The following SPAG16 variants were observed in gnomAD, a reference collection of about 807,000 sequenced individuals.
SPAG16 encodes the protein sperm-associated antigen 16 protein.
A neutral mutation model predicts 80.4 loss-of-function variants in SPAG16; 86 were observed. The ratio of observed to expected loss-of-function variants is 1.07; its 90% CI spans 0.90 to 1.28. The LOEUF (loss-of-function observed/expected upper bound fraction) is 1.28. Ranked by LOEUF, SPAG16 falls within the 50% of genes most tolerant of loss-of-function variation. The pLI is 0.00. For missense variants in SPAG16, 870 were observed against 765.3 expected (o/e 1.14, Z -1.61); for synonymous variants, 294 against 265.9 (o/e 1.11, Z -1.03).
intron 15 of SPAG16, among the ~76,000 whole-genome samples, chr2:214,248,823 A>T (rs1045041600): frequency 5.9e-5 from 9 of 152,226 alleles, no homozygotes; most frequent in South Asian, 2.1e-4. Flanking sequence ...ATTTGAGACA[A>T]GATGGTCTAG....
chr2:213,711,762 T>A (rs2065999029), intron 10 of SPAG16, among the ~76,000 whole-genome samples: 1 of 152,132 alleles, frequency 6.6e-6, no homozygotes, highest in Non-Finnish European at 1.5e-5. Context: ...TCAGGTGATC[T>A]GCCTGCCTTG....
chr2:214,269,015 G>A (rs778051887), intron 15 of SPAG16, among the ~76,000 whole-genome samples: 8 of 151,964 alleles, frequency 5.3e-5, no homozygotes, highest in Non-Finnish European at 1.0e-4. Flanking sequence ...AATTATGTTA[G>A]AAACACAATA....
Position 213,545,008 on chromosome 2 carries a change from G to A in SPAG16, c.1070+54918G>A, listed in dbSNP as rs111604731. Among the ~76,000 whole-genome samples, 391 of 152,108 alleles carry A rather than the reference G, an allele frequency of 2.6e-3. 2 individuals carry two copies. The highest frequency in any genetic ancestry group is 4.5e-3 in the Non-Finnish European group (305 of 67,934). On this transcript the variant is annotated intron_variant, in intron 10 of 15. Coordinates refer to ENST00000331683, the MANE Select transcript of SPAG16 (RefSeq NM_024532.5). The stretch of plus-strand genomic sequence containing the variant: ...CGTGTGCAGGTTTTCAGCTCCTTTG[G>A]ATAAATACTAAGGAGAGAGATTGCT...
At chr2:213,341,698 A>C (rs1344992159) in intron 6 of SPAG16, among the ~76,000 whole-genome samples, 1 of 151,860 alleles carries the variant, frequency 6.6e-6, no homozygotes, top group Non-Finnish European at 1.5e-5. Context: ...TACCCAGCTA[A>C]ATTTTTTTGT....
chr2:213,364,025 T>C, intron 7 of SPAG16, 51 bp from the exon 8 acceptor site: 1 of 885,206 alleles, frequency 1.1e-6, no homozygotes, highest in South Asian at 2.5e-5. Context: ...ATGTAACCTT[T>C]TTAAAAGTCA....
chr2:213,306,137 T>A (rs1202334896), intron 3 of SPAG16, among the ~76,000 whole-genome samples: 1 of 151,944 alleles, frequency 6.6e-6, no homozygotes, highest in Non-Finnish European at 1.5e-5. Flanking sequence ...AGTTGCTCAT[T>A]GTAGCCTCCA....
At chr2:213,493,930 C>T (rs948218772) in intron 10 of SPAG16, among the ~76,000 whole-genome samples, 1 of 152,214 alleles carries the variant, frequency 6.6e-6, no homozygotes, top group African/African-American at 2.4e-5. Flanking sequence ...CCATTCTCCT[C>T]TGCCATCGGG....
intron 15 of SPAG16, among the ~76,000 whole-genome samples, chr2:214,164,380 T>C (rs928039676): frequency 1.3e-5 from 2 of 152,128 alleles, no homozygotes; most frequent in African/African-American, 4.8e-5. Flanking sequence ...TATGAAGTGA[T>C]ACACATGAGC....
At chr2:214,194,205 A>G (rs1423531295) in intron 15 of SPAG16, among the ~76,000 whole-genome samples, 2 of 152,098 alleles carry the variant, frequency 1.3e-5, no homozygotes, top group Admixed American at 1.3e-4. Flanking sequence ...AAATGGCAAT[A>G]CATGAAAATT....
chr2:213,499,893 G>A (rs17752241), intron 10 of SPAG16, among the ~76,000 whole-genome samples: 2,211 of 152,070 alleles, frequency 0.015, 23 homozygotes, highest in South Asian at 0.037. Context: ...GGACTTTCTT[G>A]TCCCTGTTTC....
intron 15 of SPAG16, among the ~76,000 whole-genome samples, chr2:214,283,082 T>C (rs1423839216): frequency 6.6e-6 from 1 of 152,068 alleles, no homozygotes; most frequent in Non-Finnish European, 1.5e-5. Flanking sequence ...AGATGCAGCC[T>C]AGCAAACACA....
chr2:213,922,083 G>A (rs569384825), intron 11 of SPAG16, among the ~76,000 whole-genome samples: 1 of 152,298 alleles, frequency 6.6e-6, no homozygotes, highest in Admixed American at 6.5e-5. Flanking sequence ...AGCAATGTTA[G>A]AAAGTTTTCA....
At chr2:214,260,357 A>T (rs1243028908) in intron 15 of SPAG16, among the ~76,000 whole-genome samples, 5 of 146,982 alleles carry the variant, frequency 3.4e-5, no homozygotes, top group Admixed American at 1.4e-4. Context: ...AGAATATCTA[A>T]TTTTTTTTTT....
chr2:213,745,560 T>C (rs1295869697), intron 10 of SPAG16, among the ~76,000 whole-genome samples: 3 of 152,220 alleles, frequency 2.0e-5, no homozygotes, highest in African/African-American at 7.2e-5. Flanking sequence ...TTCATACTTA[T>C]TAAATATCAT....
intron 10 of SPAG16, among the ~76,000 whole-genome samples, chr2:213,695,919 C>T (rs761634350): frequency 7.0e-4 from 106 of 152,232 alleles, no homozygotes; most frequent in Non-Finnish European, 6.5e-4. Context: ...AGATTTTTAA[C>T]AAAAACCCAT....
intron 9 of SPAG16, among the ~76,000 whole-genome samples, chr2:213,485,392 C>T (rs1442934675): frequency 1.3e-5 from 2 of 151,876 alleles, no homozygotes; most frequent in Non-Finnish European, 2.9e-5. Flanking sequence ...TAATATGGTC[C>T]CTTTAGTTTC....
chr2:213,882,463 T>C (rs1334114767), intron 11 of SPAG16, among the ~76,000 whole-genome samples: 1 of 152,180 alleles, frequency 6.6e-6, no homozygotes, highest in Non-Finnish European at 1.5e-5. Flanking sequence ...TTTGGGTTTT[T>C]TTCTGTATTC....
chr2:213,312,603 C>T (rs2063240908), intron 4 of SPAG16, among the ~76,000 whole-genome samples: 2 of 151,528 alleles, frequency 1.3e-5, no homozygotes, highest in Admixed American at 6.6e-5. Flanking sequence ...CTTTTTACTT[C>T]GTATTCAACA....
chr2:214,087,587 A>G (rs1328960407), intron 13 of SPAG16, among the ~76,000 whole-genome samples: 1 of 152,098 alleles, frequency 6.6e-6, no homozygotes, highest in Admixed American at 6.6e-5. Context: ...GAAATTGAGA[A>G]GTAATGTATG....
Sources: gnomAD v4.1 joint callset for allele counts (sites outside exome capture counted in the v4.1 genomes callset) on GRCh38, gnomAD v4.1.1 for gene constraint, MANE v1.5 for transcripts, NCBI Gene and HGNC (gene_info 2026-07-23, HGNC 2026-07-21) for gene names.